The following EXOC2 variants were observed in gnomAD, a reference collection of about 807,000 sequenced individuals.
EXOC2 encodes SEC5-like 1.
Under a neutral mutation model 131.8 loss-of-function variants are expected in EXOC2, and 70 were observed. The observed-to-expected ratio is 0.53, with a 90% CI of 0.44 to 0.65. The LOEUF is 0.65. Among genes scored for constraint, EXOC2 ranks in the 30% least tolerant of loss-of-function variants. The pLI, the probability that EXOC2 is intolerant of heterozygous loss-of-function variation, is 0.00. For synonymous variants in EXOC2, 411 were observed against 398.4 expected, an observed-to-expected ratio of 1.03 and a Z score of -0.38; for missense variants, 923 against 1,108.6, an observed-to-expected ratio of 0.83 and a Z score of 2.38.
chr6:623,926 C>T (rs950831880), intron 4 of EXOC2, among the ~76,000 whole-genome samples: 20 of 152,196 alleles, frequency 1.3e-4, no homozygotes, highest in African/African-American at 4.1e-4. Flanking sequence ...GGCAACAGAA[C>T]AGCCAGCAAA....
At chr6:543,454 T>G (rs1386431008) in intron 22 of EXOC2, among the ~76,000 whole-genome samples, 3 of 152,126 alleles carry the variant, frequency 2.0e-5, no homozygotes, top group African/African-American at 7.2e-5. Context: ...TACCGGGGGC[T>G]GAGGGCAGAG....
intron 17 of EXOC2, among the ~76,000 whole-genome samples, chr6:559,971 G>T (rs1373052454): frequency 6.6e-6 from 1 of 152,146 alleles, no homozygotes; most frequent in African/African-American, 2.4e-5. Context: ...TAACCTGCCT[G>T]CACCTGCTTC....
chr6:580,093 G>A (rs544464995), intron 11 of EXOC2, among the ~76,000 whole-genome samples: 1 of 151,160 alleles, frequency 6.6e-6, no homozygotes, highest in Non-Finnish European at 1.5e-5. Context: ...CCAAGCTGGA[G>A]CCCAGTGGCA....
At chr6:624,855 G>A (rs1396919677) in intron 4 of EXOC2, among the ~76,000 whole-genome samples, 8 of 152,168 alleles carry the variant, frequency 5.3e-5, no homozygotes, top group South Asian at 2.1e-4. Context: ...ACTGGATTTC[G>A]GATTCTACAT....
intron 4 of EXOC2, among the ~76,000 whole-genome samples, chr6:622,036 C>A (rs1036405612): frequency 6.6e-6 from 1 of 152,180 alleles, no homozygotes; most frequent in African/African-American, 2.4e-5. Flanking sequence ...CTGCTCTAAC[C>A]GGCAGGCAGC....
chr6:513,329 T>C (rs1764962355), intron 23 of EXOC2, among the ~76,000 whole-genome samples: 4 of 152,238 alleles, frequency 2.6e-5, no homozygotes, highest in African/African-American at 9.6e-5. Flanking sequence ...CCAGTGAGGC[T>C]AAATGATCTG....
At chr6:656,086 A>T in intron 1 of EXOC2, 1 of 1,561,842 alleles carries the variant, frequency 6.4e-7, no homozygotes, top group Non-Finnish European at 8.8e-7. Flanking sequence ...CCTTAAAAAA[A>T]AAATCTAAGC....
chr6:516,153 T>C (rs573591876), intron 23 of EXOC2, among the ~76,000 whole-genome samples: 125 of 152,344 alleles, frequency 8.2e-4, no homozygotes, highest in African/African-American at 2.9e-3. Flanking sequence ...GAGACAGTCC[T>C]GAAAGCGTTT....
intron 23 of EXOC2, among the ~76,000 whole-genome samples, chr6:502,181 T>C (rs1764254352): frequency 6.6e-6 from 1 of 152,026 alleles, no homozygotes; most frequent in African/African-American, 2.4e-5. Flanking sequence ...CGAAGCACAA[T>C]AGTAAGCTGC....
At chr6:689,793 C>T (rs574689154) in intron 1 of EXOC2, among the ~76,000 whole-genome samples, 28 of 152,272 alleles carry the variant, frequency 1.8e-4, no homozygotes, top group African/African-American at 6.7e-4. Context: ...TGTATGTAAA[C>T]ACCATTAATA....
chr6:665,938 TAAAAATAA>T (rs898557393), intron 1 of EXOC2, among the ~76,000 whole-genome samples: 2 of 151,352 alleles, frequency 1.3e-5, no homozygotes, highest in African/African-American at 4.9e-5. Flanking sequence ...AAAATAAAAA[TAAAAATAA>T]GAGTCAAAAA....
intron 17 of EXOC2, among the ~76,000 whole-genome samples, chr6:561,653 T>C (rs1160740781): frequency 1.3e-5 from 2 of 152,136 alleles, no homozygotes; most frequent in Non-Finnish European, 2.9e-5. Flanking sequence ...TGGCGCGATC[T>C]CGGCTCACTG....
chr6:663,213 T>G (rs758951129), intron 1 of EXOC2, among the ~76,000 whole-genome samples: 2 of 152,176 alleles, frequency 1.3e-5, no homozygotes, highest in Non-Finnish European at 2.9e-5. Flanking sequence ...GATAAATTCC[T>G]GGATAAATAT....
intron 1 of EXOC2, among the ~76,000 whole-genome samples, chr6:650,088 G>T (rs1263786179): frequency 6.6e-6 from 1 of 152,084 alleles, no homozygotes; most frequent in Non-Finnish European, 1.5e-5. Flanking sequence ...CCTCCAAAAG[G>T]TTTGAGATTT....
intron 12 of EXOC2, among the ~76,000 whole-genome samples, chr6:574,799 A>G (rs1758487298): frequency 6.6e-6 from 1 of 152,248 alleles, no homozygotes; most frequent in Admixed American, 6.5e-5. Context: ...ACAGTCAATT[A>G]ACCAATTGAA....
intron 1 of EXOC2, among the ~76,000 whole-genome samples, chr6:685,420 C>T (rs1192984968): frequency 6.6e-6 from 1 of 152,212 alleles, no homozygotes; most frequent in Non-Finnish European, 1.5e-5. Context: ...TAACCTAAGA[C>T]AGACTTGTCC....
intron 23 of EXOC2, among the ~76,000 whole-genome samples, chr6:531,454 C>T (rs934721948): frequency 4.1e-5 from 3 of 72,626 alleles, no homozygotes; most frequent in Non-Finnish European, 7.5e-5. Flanking sequence ...GCTGGCATGA[C>T]TGCCATGACT....
intron 23 of EXOC2, among the ~76,000 whole-genome samples, chr6:511,693 G>C (rs1356198674): frequency 1.3e-5 from 2 of 152,248 alleles, no homozygotes; most frequent in African/African-American, 4.8e-5. Context: ...GGCCAGCTTA[G>C]AGTGCACTCC....
At chr6:684,314 A>G (rs1005674293) in intron 1 of EXOC2, among the ~76,000 whole-genome samples, 24 of 152,186 alleles carry the variant, frequency 1.6e-4, no homozygotes, top group Admixed American at 1.1e-3. Flanking sequence ...TGAGAAAACA[A>G]GCTGGTCATG....
Sources: allele counts gnomAD v4.1 joint callset (sites outside exome capture counted in the v4.1 genomes callset), GRCh38; gene constraint gnomAD v4.1.1; transcripts MANE v1.5; gene names NCBI Gene and HGNC (gene_info 2026-07-23, HGNC 2026-07-21).